The following RSF1 variants were observed in gnomAD, a reference collection of about 807,000 sequenced individuals.
RSF1 encodes the protein remodeling and spacing factor 1, also known as HBV pX-associated protein 8.
RSF1 carries 13 observed loss-of-function variants against 145.2 expected under a neutral mutation model. The ratio of observed to expected loss-of-function variants is 0.09; its 90% CI spans 0.06 to 0.14. RSF1 has a LOEUF of 0.14. Ranked by LOEUF, RSF1 falls within the 10% of genes least tolerant of loss-of-function variation. RSF1 has a pLI of 1.00. For missense variants in RSF1, 1,517 were observed against 1,718.2 expected, an observed-to-expected ratio of 0.88 and a Z score of 2.07; for synonymous variants, 577 against 592.6, an observed-to-expected ratio of 0.97 and a Z score of 0.38.
At chr11:77,863,574 A>G in the RSF1 span, among the ~76,000 whole-genome samples, 1 of 152,124 alleles carries the variant, frequency 6.6e-6, no homozygotes, top group Non-Finnish European at 1.5e-5. Flanking sequence ...ATTTTAGTAG[A>G]GACAGGGTTT....
chr11:77,739,911 A>C (rs1961464770), intron 4 of RSF1, among the ~76,000 whole-genome samples: 1 of 145,114 alleles, frequency 6.9e-6, no homozygotes, highest in African/African-American at 2.7e-5. Context: ...TGTCAACACA[A>C]ATAAAAAATC....
intron 12 of RSF1, 165 bp from the exon 13 acceptor site, chr11:77,677,164 C>G: frequency 3.2e-6 from 2 of 617,754 alleles, no homozygotes; most frequent in Non-Finnish European, 5.6e-6. Flanking sequence ...ACAGAGGTCT[C>G]AGAGTTTTAG....
At chr11:77,809,459 G>T (rs1250403330) in intron 1 of RSF1, among the ~76,000 whole-genome samples, 1 of 152,118 alleles carries the variant, frequency 6.6e-6, no homozygotes, top group African/African-American at 2.4e-5. Flanking sequence ...AGGAAAATAG[G>T]ACACTAAAGG....
intron 4 of RSF1, among the ~76,000 whole-genome samples, chr11:77,735,218 C>T (rs1270550424): frequency 6.6e-6 from 1 of 152,106 alleles, no homozygotes; most frequent in East Asian, 1.9e-4. Flanking sequence ...CGACGACTCT[C>T]GGCAAAGAAC....
intron 5 of RSF1, among the ~76,000 whole-genome samples, chr11:77,725,000 A>G (rs1246935515): frequency 6.6e-6 from 1 of 152,164 alleles, no homozygotes; most frequent in Non-Finnish European, 1.5e-5. Flanking sequence ...AAGTGCAAGC[A>G]TTATGATTCC....
intron 1 of RSF1, among the ~76,000 whole-genome samples, chr11:77,793,824 A>G (rs763507894): frequency 3.3e-5 from 5 of 152,190 alleles, no homozygotes; most frequent in Admixed American, 6.5e-5. Flanking sequence ...CCGGTCTTCC[A>G]TCAAGGGTGT....
At chr11:77,829,346 T>C in the RSF1 span, among the ~76,000 whole-genome samples, 2 of 152,190 alleles carry the variant, frequency 1.3e-5, no homozygotes, top group Admixed American at 6.5e-5. Context: ...GAAAAATAAA[T>C]TTTTGTTGTT....
intron 1 of RSF1, among the ~76,000 whole-genome samples, chr11:77,801,782 C>A (rs189196455): frequency 1.3e-5 from 2 of 152,146 alleles, no homozygotes; most frequent in Non-Finnish European, 2.9e-5. Context: ...GAACTTTCAG[C>A]CCCATCCACT....
In RSF1 at chr11:77,773,693, C is replaced by T. The variant is rs572064000; in HGVS notation, c.188-9004G>A. On this transcript the variant is annotated intron_variant, in intron 1 of 15. Transcript: ENST00000308488. ...TATGCTATCATAGACAATGCCTAAC[C>T]TACAAAGCGGCTCTATCCCACTGAA... Among the ~76,000 whole-genome samples the T allele has an allele frequency of 9.1e-4, 139 of 152,144 alleles. 1 individual carries two copies. Among genetic ancestry groups the T allele is most frequent in the African/African-American group, 3.2e-3 (132 of 41,494 alleles).
At chr11:77,737,594 T>C (rs1310723950) in intron 4 of RSF1, among the ~76,000 whole-genome samples, 2 of 149,102 alleles carry the variant, frequency 1.3e-5, no homozygotes, top group South Asian at 4.3e-4. Flanking sequence ...TTTTAACAAA[T>C]GGAAAGAAGT....
intron 11 of RSF1, among the ~76,000 whole-genome samples, chr11:77,678,671 A>G (rs1222693654): frequency 2.0e-5 from 3 of 152,294 alleles, no homozygotes; most frequent in African/African-American, 7.2e-5. Flanking sequence ...TAGTGCCCAT[A>G]TAAAAGAAGC....
chr11:77,788,567 G>GA (rs1339560868), intron 1 of RSF1, among the ~76,000 whole-genome samples: 1 of 147,218 alleles, frequency 6.8e-6, no homozygotes, highest in Non-Finnish European at 1.5e-5. Context: ...TGATACAGAG[G>GA]AAAAAAAACT....
chr11:77,860,473 T>C, the RSF1 span, among the ~76,000 whole-genome samples: 7 of 152,256 alleles, frequency 4.6e-5, no homozygotes, highest in Admixed American at 4.6e-4. Context: ...TGAGCAGAGC[T>C]GAGCGTTTGG....
intron 1 of RSF1, among the ~76,000 whole-genome samples, chr11:77,803,755 G>A: frequency 6.6e-6 from 1 of 151,928 alleles, no homozygotes. Context: ...TCCAGTGTGT[G>A]CAACAGGGTG....
Position 77,719,639 on chromosome 11 carries a change from T to C in RSF1, c.733+5906A>G, listed in dbSNP as rs531572228. ...ATGAAAACATATGTTCCCTCAAAAA[T>C]TTGTATATTAACATTCACCGCTGCA... On this transcript the variant is annotated intron_variant, in intron 5 of 15. Transcript: ENST00000308488. Among the ~76,000 whole-genome samples, 33 of 152,308 alleles carry C rather than the reference T, an allele frequency of 2.2e-4. 1 individual carries two copies. The South Asian group carries it at 6.6e-3, about 31-fold the overall frequency.
chr11:77,686,036 A>G (rs1959995173), intron 9 of RSF1, among the ~76,000 whole-genome samples: 1 of 152,188 alleles, frequency 6.6e-6, no homozygotes, highest in Non-Finnish European at 1.5e-5. Context: ...AACTAGAGCC[A>G]GGAAATACAG....
the RSF1 span, chr11:77,872,104 G>A: frequency 5.3e-6 from 8 of 1,501,476 alleles, no homozygotes; most frequent in African/African-American, 8.3e-5. Flanking sequence ...GAGTACACCT[G>A]CCTCATGGCA....
At chr11:77,699,808 C>T (rs1030808356) in intron 6 of RSF1, among the ~76,000 whole-genome samples, 1 of 152,146 alleles carries the variant, frequency 6.6e-6, no homozygotes, top group African/African-American at 2.4e-5. Context: ...TTCAATGCAG[C>T]ATTGCCTGTA....
intron 2 of RSF1, among the ~76,000 whole-genome samples, chr11:77,755,923 C>G (rs1309038801): frequency 6.6e-6 from 1 of 152,030 alleles, no homozygotes; most frequent in African/African-American, 2.4e-5. Flanking sequence ...TATTCATATC[C>G]CTTGACAAAG....
Sources: gnomAD v4.1 joint callset for allele counts (sites outside exome capture counted in the v4.1 genomes callset) on GRCh38, gnomAD v4.1.1 for gene constraint, MANE v1.5 for transcripts, NCBI Gene and HGNC (gene_info 2026-07-23, HGNC 2026-07-21) for gene names.